The following SPINT2 variants were observed in gnomAD, a reference collection of about 807,000 sequenced individuals.
SPINT2 encodes the protein kunitz-type protease inhibitor 2.
A neutral mutation model predicts 30.1 loss-of-function variants in SPINT2; 18 were observed. The observed-to-expected ratio is 0.60, with a 90% CI of 0.41 to 0.89. The LOEUF (loss-of-function observed/expected upper bound fraction) is 0.89, where lower values mean the gene tolerates loss of function less well. Ranked by LOEUF, SPINT2 falls within the 40% of genes least tolerant of loss-of-function variation. SPINT2 has a pLI of 0.00. For synonymous variants in SPINT2, 139 were observed against 137.9 expected, an observed-to-expected ratio of 1.01 and a Z score of -0.05; for missense variants, 276 against 334.3, an observed-to-expected ratio of 0.83 and a Z score of 1.36.
chr19:38,272,198 C>T (rs1968465768), intron 1 of SPINT2, among the ~76,000 whole-genome samples: 1 of 152,138 alleles, frequency 6.6e-6, no homozygotes, highest in Admixed American at 6.6e-5. Context: ...GAGACCCCAT[C>T]TCAAAACAAT....
Position 38,292,162 on chromosome 19 carries a change from T to G in SPINT2, c.*156T>G. Reference sequence around the variant, plus strand: ...GCTTCCTGGTCTGGCAGGGATGGGTTTGCTTTGGAAATCCTCTAGGAGGCT... The same window carrying G: ...GCTTCCTGGTCTGGCAGGGATGGGTGTGCTTTGGAAATCCTCTAGGAGGCT... On this transcript the variant is annotated 3_prime_UTR_variant, in exon 7 of 7. Transcript: ENST00000301244. 9.1e-7 allele frequency: 1 copy of G among 1,095,912 alleles called. No individual in the cohort carries two copies. Among genetic ancestry groups the G allele is most frequent in the South Asian group, 1.5e-5 (1 of 68,822 alleles). 67.9% of individuals were successfully genotyped at this position (1,095,912 alleles called of 1,614,324 possible). A position where few individuals can be genotyped will look rare whatever the true frequency, so the allele number is the denominator to read the frequency against.
chr19:38,281,825 C>CCA, intron 1 of SPINT2, among the ~76,000 whole-genome samples: 1 of 152,292 alleles, frequency 6.6e-6, no homozygotes, highest in Non-Finnish European at 1.5e-5. Context: ...ACATTTTCAT[C>CCA]ATCCCCTAAA....
intron 2 of SPINT2, among the ~76,000 whole-genome samples, chr19:38,287,297 C>T (rs1968653607): frequency 1.3e-5 from 2 of 152,220 alleles, no homozygotes; most frequent in African/African-American, 4.8e-5. Flanking sequence ...CTCCCGAGTT[C>T]AAGCAATTCT....
intron 4 of SPINT2, chr19:38,289,483 T>G (rs1968685114): frequency 3.1e-5 from 1 of 32,224 alleles, no homozygotes; most frequent in African/African-American, 1.3e-4. Context: ...AGACTCTGTC[T>G]CAAAAAAAAA....
At chr19:38,280,621 T>TC (rs1264522060) in intron 1 of SPINT2, among the ~76,000 whole-genome samples, 2 of 152,114 alleles carry the variant, frequency 1.3e-5, no homozygotes, top group African/African-American at 4.8e-5. Flanking sequence ...GTAACTGCCA[T>TC]CCATCCCTCA....
chr19:38,287,785 G>A lies in SPINT2; in HGVS notation c.278-91G>A. On this transcript the variant is annotated intron_variant, in intron 2 of 6. Transcript: ENST00000301244. ...CCCATGTAAAGGAGAAGTGGATGCTGTGGTGAGAGGCGCACAGGGCCAGCT... is the reference window on the plus strand; with the variant it reads ...CCCATGTAAAGGAGAAGTGGATGCTATGGTGAGAGGCGCACAGGGCCAGCT... 6 of 1,368,714 alleles carry A rather than the reference G, an allele frequency of 4.4e-6. No individual in the cohort carries two copies. The South Asian group carries it at 4.6e-5, about 11-fold the overall frequency. The allele number at this position is 1,368,714 out of a possible 1,614,324, so 84.8% of individuals were successfully genotyped here.
At position 38,292,109 on chromosome 19, in the gene SPINT2, G is replaced by T. The variant is rs1968729173; in HGVS notation, c.*103G>T. On this transcript the variant is annotated 3_prime_UTR_variant, in exon 7 of 7. Coordinates refer to ENST00000301244, the MANE Select transcript of SPINT2 (RefSeq NM_021102.4). ...GATTTGAGTGATCATTAGGGCTGAG[G>T]TCTGTTTCTCTGGGAGGTAGGACGG... 1 of 1,496,440 alleles carries T rather than the reference G, an allele frequency of 6.7e-7. No individual in the cohort carries two copies. Among genetic ancestry groups the T allele is most frequent in the Non-Finnish European group, 9.0e-7 (1 of 1,105,998 alleles). The allele number at this position is 1,496,440 out of a possible 1,614,324, so 92.7% of individuals were successfully genotyped here. A position where few individuals can be genotyped will look rare whatever the true frequency, so the allele number is the denominator to read the frequency against.
At chr19:38,283,023 A>C in intron 1 of SPINT2, among the ~76,000 whole-genome samples, 1 of 149,350 alleles carries the variant, frequency 6.7e-6, no homozygotes, top group East Asian at 2.0e-4. Flanking sequence ...TTTTTAAGTC[A>C]TGTTTCCATT....
chr19:38,277,074 CT>C (rs1968529240), intron 1 of SPINT2, among the ~76,000 whole-genome samples: 1 of 152,174 alleles, frequency 6.6e-6, no homozygotes, highest in East Asian at 1.9e-4. Context: ...TGTTTTAGTC[CT>C]TGAGAATGTT....
chr19:38,290,451 T>C lies in SPINT2; in HGVS notation c.554-86T>C, dbSNP rs1968703420. 1 of 1,609,112 alleles carries C rather than the reference T, an allele frequency of 6.2e-7. No homozygotes were observed. Among genetic ancestry groups the C allele is most frequent in the Non-Finnish European group, 8.5e-7 (1 of 1,176,692 alleles). On this transcript the variant is annotated intron_variant, in intron 5 of 6. Transcript: ENST00000301244. The surrounding 1 kb of genome is among the most constrained non-coding windows in gnomAD (Gnocchi z 4.3). Reference sequence around the variant, plus strand: ...AAAGCCCCTCAGAAAGAGCTCCCCATGGAGGCCCTGGCTGAGGGGATCCCC... The same window carrying C: ...AAAGCCCCTCAGAAAGAGCTCCCCACGGAGGCCCTGGCTGAGGGGATCCCC...
In SPINT2 at chr19:38,264,771, CGGAGCGTCGGCACCTGAACGCGAGG is replaced by C; in HGVS notation, c.-121_-97del. ...GGCTTTGGCACCTGGCGGACCCTCC[CGGAGCGTCGGCACCTGAACGCGAGG>C]CGCTCCATTGCGCGTGCGCGTTGAG... is the stretch of plus-strand genomic sequence containing the variant. On this transcript the variant is annotated 5_prime_UTR_variant, in exon 1 of 7. Coordinates refer to ENST00000301244, the MANE Select transcript of SPINT2 (RefSeq NM_021102.4). The C allele has an allele frequency of 9.3e-7, 1 of 1,078,094 alleles. No individual in the cohort carries two copies. The highest frequency in any genetic ancestry group is 1.4e-5 in the South Asian group (1 of 69,138). 66.8% of individuals were successfully genotyped at this position (1,078,094 alleles called of 1,614,324 possible).
rs549973591 is a variant in SPINT2 at position 38,292,242 on chromosome 19, C to G, written c.*236C>G. 1.1e-4 allele frequency: 58 copies of G among 508,062 alleles called. 2 individuals carry two copies. In the South Asian group the frequency reaches 1.3e-3, roughly 12 times the overall value. 31.5% of individuals were successfully genotyped at this position (508,062 alleles called of 1,614,324 possible). On this transcript the variant is annotated 3_prime_UTR_variant, in exon 7 of 7. Coordinates refer to ENST00000301244, the MANE Select transcript of SPINT2 (RefSeq NM_021102.4). ...AGCCCCGAGTTGTTTCCTCGCTGATCGATTTCTTTCCTCCAGGTAGAGTTT... is the reference window on the plus strand; with the variant it reads ...AGCCCCGAGTTGTTTCCTCGCTGATGGATTTCTTTCCTCCAGGTAGAGTTT...
chr19:38,276,776 T>C (rs1968523664), intron 1 of SPINT2, among the ~76,000 whole-genome samples: 1 of 151,978 alleles, frequency 6.6e-6, no homozygotes, highest in East Asian at 1.9e-4. Flanking sequence ...ATGCAAAGGG[T>C]TTCTGCTCTA....
At position 38,264,590 on chromosome 19, in the gene SPINT2, C is replaced by T. The variant is rs533668106; in HGVS notation, c.-303C>T. On this transcript the variant is annotated 5_prime_UTR_variant, in exon 1 of 7. Transcript: ENST00000301244. ...AGGCGTTCGCCATTGGCTCTGGCGA[C>T]CTCCGCGCGTTGGGAGGTGTAGCGC... is the stretch of plus-strand genomic sequence containing the variant. 2.4e-4 allele frequency: 81 copies of T among 331,820 alleles called. No homozygotes were observed. The highest frequency in any genetic ancestry group is 1.7e-3 in the African/African-American group (78 of 45,594). The allele number at this position is 331,820 out of a possible 1,614,324, so 20.6% of individuals were successfully genotyped here. A position where few individuals can be genotyped will look rare whatever the true frequency, so the allele number is the denominator to read the frequency against.
At chr19:38,280,130 A>G (rs1968563940) in intron 1 of SPINT2, among the ~76,000 whole-genome samples, 1 of 152,142 alleles carries the variant, frequency 6.6e-6, no homozygotes, top group South Asian at 2.1e-4. Context: ...CAGGCTCGCA[A>G]GACTTGTCAT....
intron 1 of SPINT2, among the ~76,000 whole-genome samples, chr19:38,267,490 G>A (rs1033098580): frequency 2.0e-5 from 3 of 152,102 alleles, no homozygotes; most frequent in Non-Finnish European, 4.4e-5. Context: ...GCGGAGGGCC[G>A]AGGTAGATGG....
chr19:38,275,135 C>T (rs543299116), intron 1 of SPINT2, among the ~76,000 whole-genome samples: 5 of 152,256 alleles, frequency 3.3e-5, no homozygotes, highest in East Asian at 3.9e-4. Flanking sequence ...TGCTCTGTAT[C>T]GTAAGTTATA....
At chr19:38,270,021 C>T (rs868788435) in intron 1 of SPINT2, among the ~76,000 whole-genome samples, 4 of 152,254 alleles carry the variant, frequency 2.6e-5, no homozygotes, top group South Asian at 2.1e-4. Context: ...CCACGTGGCC[C>T]AGCCCTCTCC....
intron 1 of SPINT2, among the ~76,000 whole-genome samples, chr19:38,272,570 T>C (rs1053429517): frequency 2.6e-5 from 4 of 152,156 alleles, no homozygotes; most frequent in Admixed American, 6.6e-5. Context: ...TTTGAAACTA[T>C]TGTTTCCTTC....
Sources: gnomAD v4.1 joint callset for allele counts (sites outside exome capture counted in the v4.1 genomes callset) on GRCh38, gnomAD v4.1.1 for gene constraint, Gnocchi (gnomAD v3.1) non-coding constraint, MANE v1.5 for transcripts, NCBI Gene and HGNC (gene_info 2026-07-23, HGNC 2026-07-21) for gene names.